The following ZNF655 variants were observed in gnomAD, a reference collection of about 807,000 sequenced individuals.
The protein encoded by ZNF655 is Vav-interacting Kruppel-like protein 1.
In ZNF655, 3 loss-of-function variants were observed where a neutral mutation model predicts 6.6. That is an observed-to-expected ratio of 0.46 (90% CI 0.21 to 1.18). ZNF655 has a LOEUF of 1.18. ZNF655 is among the 50% of genes most tolerant of loss of function. The pLI is 0.24. For missense variants in ZNF655, 526 were observed against 572.3 expected, an observed-to-expected ratio of 0.92 and a Z score of 0.83; for synonymous variants, 178 against 195.0, an observed-to-expected ratio of 0.91 and a Z score of 0.73.
chr7:99,563,642 GC>G (rs1260245644), intron 2 of ZNF655, among the ~76,000 whole-genome samples: 2 of 151,472 alleles, frequency 1.3e-5, no homozygotes, highest in Non-Finnish European at 2.9e-5. Context: ...TTTCTTGCTT[GC>G]TTCTGCACTC....
At position 99,575,736 on chromosome 7, in the gene ZNF655, G is replaced by A. The variant is rs957931414; in HGVS notation, c.*2152G>A. The stretch of plus-strand genomic sequence containing the variant: ...GATTGCAGATAAATGTTTGAATTCT[G>A]CTCCTCTCTCATCAATCCAGGACAG... On this transcript the variant is annotated 3_prime_UTR_variant, in exon 3 of 3. Coordinates refer to ENST00000252713, the MANE Select transcript of ZNF655 (RefSeq NM_138494.3). 1.3e-5 allele frequency: 2 copies of A among 152,096 alleles called. No individual in the cohort carries two copies. The highest frequency in any genetic ancestry group is 4.8e-5 in the African/African-American group (2 of 41,400). The allele number at this position is 152,096 out of a possible 1,614,324, so 9.4% of individuals were successfully genotyped here.
chr7:99,571,179 C>T (rs1804041346), intron 2 of ZNF655: 3 of 1,197,954 alleles, frequency 2.5e-6, no homozygotes, highest in East Asian at 5.8e-5. Context: ...TCTTTGTTTT[C>T]TTATGTGTAC....
chr7:99,563,651 C>T (rs1803385671), intron 2 of ZNF655, among the ~76,000 whole-genome samples: 1 of 151,830 alleles, frequency 6.6e-6, no homozygotes, highest in South Asian at 2.1e-4. Context: ...TGCTTCTGCA[C>T]TCTTCTTTTT....
At chr7:99,562,596 A>G in intron 2 of ZNF655, 1 of 1,211,638 alleles carries the variant, frequency 8.3e-7, no homozygotes. Context: ...AGTGTGGCTT[A>G]GATTCCAGGA....
chr7:99,564,585 T>G (rs1171574884), intron 2 of ZNF655: 22 of 985,416 alleles, frequency 2.2e-5, no homozygotes, highest in Non-Finnish European at 2.7e-5. Flanking sequence ...AGAAGTTAAA[T>G]TTATTTCAGG....
Position 99,562,509 on chromosome 7 carries a change from A to G in ZNF655, c.136+1814A>G, listed in dbSNP as rs773752871. The G allele has an allele frequency of 6.9e-6, 11 of 1,604,286 alleles. No homozygotes were observed. The African/African-American group carries it at 1.3e-4, about 20-fold the overall frequency. On this transcript the variant is annotated intron_variant, in intron 2 of 2. Coordinates refer to ENST00000252713, the MANE Select transcript of ZNF655 (RefSeq NM_138494.3). ...GGTCTCACTGGGTAAGGACTTCCTT[A>G]TTATTCGGTTTATCTATTTGAATTT...
chr7:99,572,769 T>G lies in ZNF655; in HGVS notation c.661T>G (p.Phe221Val). ...SYKCDVCGKI[F>V]HQSSALTRHQ... ...TAAATGTGATGTATGTGGGAAAATT[T>G]TCCATCAGAGCTCAGCCCTTACTAG... Residue 221 changes from phenylalanine (F) to valine (V), a missense_variant, in exon 3 of 3, where the codon TTC becomes GTC. By Grantham distance (50) the Phe-to-Val change is conservative. Coordinates refer to ENST00000252713, the MANE Select transcript of ZNF655 (RefSeq NM_138494.3). 6.2e-7 allele frequency: 1 copy of G among 1,613,208 alleles called. No individual in the cohort carries two copies. Among genetic ancestry groups the G allele is most frequent in the Non-Finnish European group, 8.5e-7 (1 of 1,179,836 alleles).
In ZNF655 at chr7:99,576,319, G is replaced by A. The variant is rs893685179; in HGVS notation, c.*2735G>A. The A allele has an allele frequency of 6.6e-6, 1 of 152,624 alleles. No homozygotes were observed. Among genetic ancestry groups the A allele is most frequent in the Non-Finnish European group, 1.5e-5 (1 of 68,040 alleles). The allele number at this position is 152,624 out of a possible 1,614,324, so 9.5% of individuals were successfully genotyped here. The stretch of plus-strand genomic sequence containing the variant: ...ATACCCTTATGTATAGAGACCAGTA[G>A]TCACGTATGGTGACTGAAACAGGAT... On this transcript the variant is annotated 3_prime_UTR_variant, in exon 3 of 3. Transcript: ENST00000252713.
chr7:99,562,246 A>C, intron 2 of ZNF655: 1 of 1,267,600 alleles, frequency 7.9e-7, no homozygotes, highest in South Asian at 1.5e-5. Context: ...CGTAGGTTCT[A>C]ATCTGTTCTC....
rs895378992 is a variant in ZNF655, at chr7:99,574,851, G to A, written c.*1267G>A. On this transcript the variant is annotated 3_prime_UTR_variant, in exon 3 of 3. Transcript: ENST00000252713. ...CTCTTAAGCACCTTTAGAAGATTTA[G>A]AAGTTTCCTAGTTTTAAGTGTTTCA... 6.6e-6 allele frequency: 1 copy of A among 152,164 alleles called. No homozygotes were observed. The highest frequency in any genetic ancestry group is 2.4e-5 in the African/African-American group (1 of 41,438). The allele number at this position is 152,164 out of a possible 1,614,324, so 9.4% of individuals were successfully genotyped here.
chr7:99,564,666 G>A (rs1244223001), intron 2 of ZNF655: 1 of 984,486 alleles, frequency 1.0e-6, no homozygotes, highest in Non-Finnish European at 1.2e-6. Flanking sequence ...GTAAAGTACT[G>A]TTAATTTTAT....
chr7:99,560,117 CTG>C (rs1190182110), intron 1 of ZNF655, among the ~76,000 whole-genome samples: 1 of 147,372 alleles, frequency 6.8e-6, no homozygotes, highest in Admixed American at 6.9e-5. Flanking sequence ...CGGAGTCTCA[CTG>C]TGTTGCCCAG....
chr7:99,571,718 C>T (rs1804085174), intron 2 of ZNF655: 1 of 1,609,630 alleles, frequency 6.2e-7, no homozygotes, highest in Non-Finnish European at 8.5e-7. Flanking sequence ...GATGGGATCT[C>T]CCAGCTGGAA....
chr7:99,567,929 C>T (rs1249320727), intron 2 of ZNF655, among the ~76,000 whole-genome samples: 3 of 151,702 alleles, frequency 2.0e-5, no homozygotes, highest in African/African-American at 7.3e-5. Context: ...CATGGTGGTA[C>T]ATGCCTGTGA....
intron 2 of ZNF655, among the ~76,000 whole-genome samples, chr7:99,565,592 G>A (rs190021801): frequency 1.1e-3 from 170 of 152,146 alleles, no homozygotes; most frequent in Admixed American, 1.6e-3. Flanking sequence ...AGTAATTTTC[G>A]TTACCACATA....
chr7:99,560,738 G>A lies in ZNF655; in HGVS notation c.136+43G>A, dbSNP rs200829128. On this transcript the variant is annotated intron_variant, in intron 2 of 2. Transcript: ENST00000252713. The stretch of plus-strand genomic sequence containing the variant: ...CTTCCGTCTGGGAGAGTGGGAGTGC[G>A]GAGGGGCTCCCGAGGGGGCTCCTGG... 91 of 1,601,498 alleles carry A rather than the reference G, an allele frequency of 5.7e-5. No individual in the cohort carries two copies. In the East Asian group the frequency reaches 7.0e-4, roughly 12 times the overall value.
chr7:99,562,578 G>A (rs540672617), intron 2 of ZNF655: 2 of 1,415,164 alleles, frequency 1.4e-6, no homozygotes, highest in South Asian at 2.9e-5. Context: ...CTCTGAGAAG[G>A]TCTGTAGAGT....
intron 2 of ZNF655, chr7:99,564,345 GGC>G: frequency 8.8e-7 from 1 of 1,130,450 alleles, no homozygotes; most frequent in Non-Finnish European, 1.1e-6. Flanking sequence ...CCTTTTATGT[GGC>G]GAACACAACC....
At chr7:99,564,221 G>T in intron 2 of ZNF655, 1 of 1,361,956 alleles carries the variant, frequency 7.3e-7, no homozygotes, top group Non-Finnish European at 9.4e-7. Context: ...CAGAAACCAT[G>T]GTTGGTGGTC....
Sources: gnomAD v4.1 joint callset for allele counts (sites outside exome capture counted in the v4.1 genomes callset) on GRCh38, gnomAD v4.1.1 for gene constraint, MANE v1.5 for transcripts, NCBI Gene and HGNC (gene_info 2026-07-23, HGNC 2026-07-21) for gene names.